SAMD4A: variants seen among roughly 807,000 people sequenced by gnomAD.
SAMD4A encodes protein Smaug homolog 1.
SAMD4A carries 33 observed loss-of-function variants against 81.3 expected under a neutral mutation model. The ratio of observed to expected loss-of-function variants is 0.41; its 90% CI spans 0.31 to 0.54. SAMD4A has a LOEUF of 0.54. Among genes scored for constraint, SAMD4A ranks in the 20% least tolerant of loss-of-function variants. SAMD4A has a pLI of 0.37. For synonymous variants in SAMD4A, 389 were observed against 382.1 expected (o/e 1.02, Z -0.21); for missense variants, 854 against 951.1 (o/e 0.90, Z 1.34).
intron 3 of SAMD4A, among the ~76,000 whole-genome samples, chr14:54,704,518 T>C (rs2036804311): frequency 6.6e-6 from 1 of 152,220 alleles, no homozygotes; most frequent in Non-Finnish European, 1.5e-5. Flanking sequence ...CAGGTTGTAG[T>C]CATCAAGCAC....
chr14:54,581,500 G>A (rs1423386162), intron 2 of SAMD4A, among the ~76,000 whole-genome samples: 1 of 152,166 alleles, frequency 6.6e-6, no homozygotes, highest in East Asian at 1.9e-4. Context: ...TGTCTATAAC[G>A]TCAAAGTTAA....
chr14:54,647,379 C>T (rs911059988), intron 2 of SAMD4A, among the ~76,000 whole-genome samples: 10 of 152,144 alleles, frequency 6.6e-5, no homozygotes, highest in East Asian at 1.9e-4. Flanking sequence ...CCCAGGTCCC[C>T]GGCTAGTAAG....
chr14:54,593,915 A>T (rs2033847197), intron 2 of SAMD4A, among the ~76,000 whole-genome samples: 1 of 152,062 alleles, frequency 6.6e-6, no homozygotes, highest in South Asian at 2.1e-4. Context: ...GTGCCTTGTG[A>T]AAAGGAAGGA....
At chr14:54,763,128 T>TA (rs2038447615) in intron 7 of SAMD4A, among the ~76,000 whole-genome samples, 1 of 151,922 alleles carries the variant, frequency 6.6e-6, no homozygotes, top group Admixed American at 6.5e-5. Context: ...GTGCTGAGAT[T>TA]ACAGGCATGA....
At chr14:54,634,628 T>C (rs1401003225) in intron 2 of SAMD4A, among the ~76,000 whole-genome samples, 3 of 152,090 alleles carry the variant, frequency 2.0e-5, no homozygotes, top group Non-Finnish European at 4.4e-5. Context: ...CGCCCGCCGC[T>C]CACCTCATGC....
intron 2 of SAMD4A, among the ~76,000 whole-genome samples, chr14:54,658,944 C>G (rs1393279227): frequency 6.6e-6 from 1 of 152,242 alleles, no homozygotes; most frequent in African/African-American, 2.4e-5. Context: ...TGTGCTTAGG[C>G]AGGATAACCT....
chr14:54,578,572 C>T (rs1202545028), intron 2 of SAMD4A, among the ~76,000 whole-genome samples: 1 of 151,744 alleles, frequency 6.6e-6, no homozygotes, highest in Admixed American at 6.6e-5. Flanking sequence ...ATTAGCTGGG[C>T]GTGGTTGTGT....
At chr14:54,733,325 A>G (rs1409894452) in intron 3 of SAMD4A, among the ~76,000 whole-genome samples, 6 of 151,846 alleles carry the variant, frequency 4.0e-5, no homozygotes, top group Non-Finnish European at 8.8e-5. Flanking sequence ...ATGCGTGCAT[A>G]CTGGCATATA....
intron 2 of SAMD4A, among the ~76,000 whole-genome samples, chr14:54,585,123 TG>T (rs2033579815): frequency 1.3e-5 from 2 of 152,214 alleles, no homozygotes; most frequent in Admixed American, 1.3e-4. Context: ...TGCCATTTGG[TG>T]AAAAAAATAT....
chr14:54,592,528 C>T (rs956596332), intron 2 of SAMD4A, among the ~76,000 whole-genome samples: 6 of 152,228 alleles, frequency 3.9e-5, no homozygotes, highest in South Asian at 2.1e-4. Context: ...GGTGCGATCT[C>T]GGCTCACTGC....
intron 2 of SAMD4A, among the ~76,000 whole-genome samples, chr14:54,651,018 T>C (rs1481863374): frequency 6.6e-6 from 1 of 152,176 alleles, no homozygotes; most frequent in African/African-American, 2.4e-5. Context: ...TTCGCAGAGG[T>C]TCCCTGGTCT....
At chr14:54,591,047 C>T (rs1459364251) in intron 2 of SAMD4A, among the ~76,000 whole-genome samples, 11 of 152,104 alleles carry the variant, frequency 7.2e-5, no homozygotes, top group Admixed American at 6.5e-4. Flanking sequence ...CATCGTCTCT[C>T]AGAGGTAGCA....
intron 2 of SAMD4A, among the ~76,000 whole-genome samples, chr14:54,637,915 A>G (rs780539454): frequency 5.3e-5 from 8 of 152,204 alleles, no homozygotes; most frequent in Non-Finnish European, 1.2e-4. Flanking sequence ...ACACCAATAA[A>G]CAACGTGTGC....
At chr14:54,671,742 T>C (rs1186960179) in intron 2 of SAMD4A, among the ~76,000 whole-genome samples, 7 of 152,218 alleles carry the variant, frequency 4.6e-5, no homozygotes, top group African/African-American at 1.7e-4. Flanking sequence ...TACATCTCAG[T>C]GCCAGTGAAT....
chr14:54,620,582 C>T (rs1008023734), intron 2 of SAMD4A, among the ~76,000 whole-genome samples: 2 of 152,102 alleles, frequency 1.3e-5, no homozygotes, highest in African/African-American at 2.4e-5. Context: ...AACAGCTTCT[C>T]GTGGTATAGG....
upstream of SAMD4A, among the ~76,000 whole-genome samples, chr14:54,566,471 C>T (rs923679508): frequency 3.3e-5 from 5 of 151,754 alleles, no homozygotes; most frequent in Admixed American, 6.6e-5. Context: ...GGGTTCTCCT[C>T]CCCGCCGGCG....
At chr14:54,698,153 T>A (rs1483270260) in intron 2 of SAMD4A, among the ~76,000 whole-genome samples, 5 of 151,668 alleles carry the variant, frequency 3.3e-5, no homozygotes, top group African/African-American at 1.2e-4. Context: ...GTTAACATAT[T>A]TTAAACCACA....
chr14:54,709,707 G>A (rs2036943234), intron 3 of SAMD4A, among the ~76,000 whole-genome samples: 1 of 152,180 alleles, frequency 6.6e-6, no homozygotes, highest in Non-Finnish European at 1.5e-5. Flanking sequence ...TCAAGGTATT[G>A]GCTGTGACAA....
chr14:54,725,127 C>T (rs1056142586), intron 3 of SAMD4A, among the ~76,000 whole-genome samples: 1 of 152,150 alleles, frequency 6.6e-6, no homozygotes, highest in Non-Finnish European at 1.5e-5. Flanking sequence ...ATATGAGGAA[C>T]CCAATGTTAC....
Sources: gnomAD v4.1 joint callset for allele counts (sites outside exome capture counted in the v4.1 genomes callset) on GRCh38, gnomAD v4.1.1 for gene constraint, MANE v1.5 for transcripts, NCBI Gene and HGNC (gene_info 2026-07-23, HGNC 2026-07-21) for gene names.